Variants in EDA observed in about 807,000 individuals in gnomAD.
EDA encodes ectodysplasin A, also known as ectodysplasin-A.
Under a neutral mutation model 23.6 loss-of-function variants are expected in EDA, and 2 were observed. That is an observed-to-expected ratio of 0.08 (90% CI 0.03 to 0.27). The LOEUF (loss-of-function observed/expected upper bound fraction) is 0.27. Ranked by LOEUF, EDA falls within the 10% of genes least tolerant of loss-of-function variation. The pLI, the probability that EDA is intolerant of heterozygous loss-of-function variation, is 1.00. For missense variants in EDA, 229 were observed against 324.2 expected, an observed-to-expected ratio of 0.71 and a Z score of 2.26; for synonymous variants, 131 against 132.0, an observed-to-expected ratio of 0.99 and a Z score of 0.05.
At chrX:69,887,648 T>C (rs1239346676) in intron 1 of EDA, among the ~76,000 whole-genome samples, 1 of 111,810 alleles carries the variant, frequency 8.9e-6, no homozygotes, top group Non-Finnish European at 1.9e-5. Flanking sequence ...ATTCAAATTG[T>C]CAAAAGTCAA....
chrX:69,771,193 G>T (rs1310384575), intron 1 of EDA, among the ~76,000 whole-genome samples: 1 of 110,100 alleles, frequency 9.1e-6, no homozygotes, highest in Non-Finnish European at 1.9e-5. Context: ...AAGTCGCTGG[G>T]ACTACAGGTG....
At chrX:70,012,631 T>C (rs1056145811) in intron 2 of EDA, among the ~76,000 whole-genome samples, 3 of 112,868 alleles carry the variant, frequency 2.7e-5, no homozygotes, top group African/African-American at 9.6e-5. Context: ...TACATCTTTG[T>C]TTTTTCCCAA....
chrX:69,937,671 A>G (rs192657856), intron 1 of EDA: 2 of 1,108,979 alleles, frequency 1.8e-6, no homozygotes, highest in African/African-American at 3.6e-5. Context: ...AGATGTTGTT[A>G]GTAGCTCTAT....
At chrX:69,959,542 T>C (rs998054339) in intron 2 of EDA, among the ~76,000 whole-genome samples, 4 of 111,992 alleles carry the variant, frequency 3.6e-5, no homozygotes, top group African/African-American at 1.3e-4. Flanking sequence ...ACTAAGTAAA[T>C]ACAGCAGTTT....
intron 1 of EDA, among the ~76,000 whole-genome samples, chrX:69,851,607 T>C (rs1171261438): frequency 8.9e-6 from 1 of 112,495 alleles, no homozygotes; most frequent in East Asian, 2.8e-4. Flanking sequence ...TCAGTAGATA[T>C]ACAATGATGT....
chrX:69,618,861 T>A (rs1310876385), intron 1 of EDA, among the ~76,000 whole-genome samples: 1 of 108,832 alleles, frequency 9.2e-6, no homozygotes, highest in Non-Finnish European at 1.9e-5. Flanking sequence ...CTTGTTTATT[T>A]TAAGTTGTTC....
At chrX:69,838,450 A>AC (rs1159306692) in intron 1 of EDA, among the ~76,000 whole-genome samples, 2 of 110,848 alleles carry the variant, frequency 1.8e-5, no homozygotes, top group Non-Finnish European at 3.8e-5. Flanking sequence ...ACATGGTGAA[A>AC]CCCCATCTCT....
intron 1 of EDA, among the ~76,000 whole-genome samples, chrX:69,905,430 ATT>A (rs35874374): frequency 1.4e-4 from 15 of 105,916 alleles, no homozygotes; most frequent in Admixed American, 3.1e-4. Flanking sequence ...CTTCCTCTGA[ATT>A]TTTTTTTTTT....
intron 1 of EDA, among the ~76,000 whole-genome samples, chrX:69,677,368 G>A (rs1217230733): frequency 5.5e-4 from 61 of 111,088 alleles, no homozygotes; most frequent in Admixed American, 3.2e-3. Context: ...TGGTTCAAAT[G>A]GCATTTCTAG....
chrX:69,789,109 C>T (rs1251572174), intron 1 of EDA, among the ~76,000 whole-genome samples: 1 of 112,371 alleles, frequency 8.9e-6, no homozygotes, highest in African/African-American at 3.2e-5. Context: ...TCCCTGACCC[C>T]TTGCGCTTCC....
At chrX:69,774,707 A>G (rs917032536) in intron 1 of EDA, among the ~76,000 whole-genome samples, 2 of 111,600 alleles carry the variant, frequency 1.8e-5, no homozygotes, top group Admixed American at 1.9e-4. Flanking sequence ...GATTCTAGAG[A>G]CTTCCCTGAA....
chrX:69,971,330 ATTT>A (rs2019245284), intron 2 of EDA, among the ~76,000 whole-genome samples: 1 of 111,985 alleles, frequency 8.9e-6, no homozygotes. Flanking sequence ...GTGAAGTATT[ATTT>A]ATCATAAAAG....
intron 1 of EDA, among the ~76,000 whole-genome samples, chrX:69,845,521 C>T (rs1272844461): frequency 1.8e-5 from 2 of 112,180 alleles, no homozygotes; most frequent in African/African-American, 3.2e-5. Context: ...GTGTTTCTTT[C>T]GCCAGGGTTA....
chrX:69,894,855 G>A (rs1293798611), intron 1 of EDA, among the ~76,000 whole-genome samples: 3 of 111,768 alleles, frequency 2.7e-5, no homozygotes, highest in Non-Finnish European at 3.8e-5. Context: ...TCTGCAAACA[G>A]AGATAGTTTG....
chrX:69,953,866 G>C (rs1285989521), intron 1 of EDA, among the ~76,000 whole-genome samples: 1 of 111,832 alleles, frequency 8.9e-6, no homozygotes, highest in Non-Finnish European at 1.9e-5. Context: ...AATCAGAACA[G>C]TAGTTGTCTC....
chrX:69,740,249 A>G (rs1349442634), intron 1 of EDA, among the ~76,000 whole-genome samples: 2 of 111,349 alleles, frequency 1.8e-5, no homozygotes, highest in Non-Finnish European at 3.8e-5. Context: ...GTTTTTCTCT[A>G]TGGGATCAAA....
chrX:69,670,181 C>CT (rs1602272430), intron 1 of EDA: 5 of 189,246 alleles, frequency 2.6e-5, no homozygotes, highest in East Asian at 8.1e-5. Context: ...TCTTGGCTGA[C>CT]TGTTTTTTTT....
At chrX:69,721,277 A>G (rs1322577253) in intron 1 of EDA, among the ~76,000 whole-genome samples, 2 of 112,011 alleles carry the variant, frequency 1.8e-5, no homozygotes, top group Non-Finnish European at 3.8e-5. Flanking sequence ...GTTTGGGCAA[A>G]GGAGGAGAGT....
At chrX:69,833,559 A>G (rs751395707) in intron 1 of EDA, among the ~76,000 whole-genome samples, 24 of 110,745 alleles carry the variant, frequency 2.2e-4, no homozygotes, top group Non-Finnish European at 3.2e-4. Context: ...TGGCCTCATA[A>G]AATGATTTAG....
Sources: allele counts gnomAD v4.1 joint callset (sites outside exome capture counted in the v4.1 genomes callset), GRCh38; gene constraint gnomAD v4.1.1; transcripts MANE v1.5; gene names NCBI Gene and HGNC (gene_info 2026-07-23, HGNC 2026-07-21).